THSD7A: variants seen among roughly 807,000 people sequenced by gnomAD.
THSD7A encodes the protein thrombospondin type-1 domain-containing protein 7A.
Under a neutral mutation model 231.3 loss-of-function variants are expected in THSD7A, and 96 were observed. That is an observed-to-expected ratio of 0.41 (90% CI 0.35 to 0.49). The LOEUF (loss-of-function observed/expected upper bound fraction) is 0.49. THSD7A is among the 20% of genes least tolerant of loss of function. The pLI, the probability that THSD7A is intolerant of heterozygous loss-of-function variation, is 0.05. For synonymous variants in THSD7A, 940 were observed against 743.3 expected, an observed-to-expected ratio of 1.26 and a Z score of -4.30; for missense variants, 2,290 against 2,070.2, an observed-to-expected ratio of 1.11 and a Z score of -2.06.
At chr7:11,435,957 T>G (rs1315285301) in intron 13 of THSD7A, among the ~76,000 whole-genome samples, 1 of 152,032 alleles carries the variant, frequency 6.6e-6, no homozygotes, top group Non-Finnish European at 1.5e-5. Context: ...CAGAATTATA[T>G]TGCACTTTCA....
At chr7:11,505,518 G>A (rs867780856) in intron 6 of THSD7A, among the ~76,000 whole-genome samples, 5 of 151,312 alleles carry the variant, frequency 3.3e-5, no homozygotes, top group South Asian at 2.1e-4. Context: ...TCTCATACTT[G>A]AATTGGGAAT....
intron 6 of THSD7A, among the ~76,000 whole-genome samples, chr7:11,510,511 T>A (rs1299888212): frequency 3.3e-5 from 5 of 152,074 alleles, no homozygotes; most frequent in Admixed American, 6.5e-5. Context: ...GGAACATCGA[T>A]GAAAAAATCC....
chr7:11,630,653 C>G (rs528191267), intron 2 of THSD7A, among the ~76,000 whole-genome samples: 2 of 152,230 alleles, frequency 1.3e-5, no homozygotes, highest in African/African-American at 4.8e-5. Context: ...GGCTGAATTT[C>G]CCACACTTTT....
Position 11,446,141 on chromosome 7 carries a change from C to T in THSD7A, c.2984G>A (p.Gly995Glu), listed in dbSNP as rs1425929587. 1 of 1,613,482 alleles carries T rather than the reference C, an allele frequency of 6.2e-7. No individual in the cohort carries two copies. Among genetic ancestry groups the T allele is most frequent in the Non-Finnish European group, 8.5e-7 (1 of 1,179,620 alleles). ...CATTGCTTGGTAACGATATCCTTGTCCGCATTCCTTGATGTCTCCTTGTAC... is the reference window on the plus strand; with the variant it reads ...CATTGCTTGGTAACGATATCCTTGTTCGCATTCCTTGATGTCTCCTTGTAC... ...MKVQGDIKEC[G>E]QGYRYQAMAC... Residue 995 changes from glycine (G) to glutamate (E), a missense_variant, in exon 13 of 28, where the codon GGA (glycine) becomes GAA (glutamate). Transcript: ENST00000423059. The surrounding 1 kb of genome is among the most constrained non-coding windows in gnomAD (Gnocchi z 4.0).
At chr7:11,769,138 TA>T (rs1783132118) in intron 1 of THSD7A, among the ~76,000 whole-genome samples, 3 of 59,260 alleles carry the variant, frequency 5.1e-5, no homozygotes, top group South Asian at 6.9e-4. Context: ...TATATATATA[TA>T]TATATATATA....
intron 1 of THSD7A, among the ~76,000 whole-genome samples, chr7:11,694,444 C>G (rs1780327688): frequency 6.6e-6 from 1 of 151,512 alleles, no homozygotes; most frequent in African/African-American, 2.4e-5. Flanking sequence ...TATTCTATCT[C>G]CATTGTAGAG....
chr7:11,556,807 T>C (rs979983093), intron 4 of THSD7A, among the ~76,000 whole-genome samples: 8 of 152,086 alleles, frequency 5.3e-5, no homozygotes, highest in Non-Finnish European at 8.8e-5. Context: ...TATTCTGACC[T>C]ATATGGTTTC....
At chr7:11,631,070 C>A (rs1032273133) in intron 2 of THSD7A, among the ~76,000 whole-genome samples, 2 of 152,186 alleles carry the variant, frequency 1.3e-5, no homozygotes, top group African/African-American at 2.4e-5. Flanking sequence ...GGGTGGGGAA[C>A]TGGCTCTTAA....
intron 6 of THSD7A, among the ~76,000 whole-genome samples, chr7:11,491,269 T>A (rs994676170): frequency 6.6e-6 from 1 of 152,114 alleles, no homozygotes; most frequent in Non-Finnish European, 1.5e-5. Flanking sequence ...ATAGTCCATA[T>A]TTTATAAATT....
At chr7:11,506,355 C>A (rs1258986763) in intron 6 of THSD7A, among the ~76,000 whole-genome samples, 1 of 152,166 alleles carries the variant, frequency 6.6e-6, no homozygotes, top group Non-Finnish European at 1.5e-5. Context: ...ATGCATTTCA[C>A]CACTAATTAT....
chr7:11,441,839 G>A (rs1221431253), intron 13 of THSD7A, among the ~76,000 whole-genome samples: 9 of 151,898 alleles, frequency 5.9e-5, no homozygotes, highest in South Asian at 4.2e-4. Context: ...GGCAGGGGTC[G>A]GGGGCTAGGG....
chr7:11,747,944 G>C (rs1782365696), intron 1 of THSD7A, among the ~76,000 whole-genome samples: 1 of 151,952 alleles, frequency 6.6e-6, no homozygotes, highest in Non-Finnish European at 1.5e-5. Context: ...TTGCATGACA[G>C]AATGTGTATG....
At chr7:11,600,066 A>T (rs1428792468) in intron 2 of THSD7A, among the ~76,000 whole-genome samples, 1 of 152,070 alleles carries the variant, frequency 6.6e-6, no homozygotes, top group Non-Finnish European at 1.5e-5. Flanking sequence ...CTCAGCTTGC[A>T]GATGGCCTAT....
rs182342078 is a variant in THSD7A at position 11,658,565 on chromosome 7, T to C, written c.191-21604A>G. On this transcript the variant is annotated intron_variant, in intron 1 of 27. Transcript: ENST00000423059. ...TCTATCCTCCTAAAGCATCCTGTTTTCTCCATGTGATAAACACTGCCCCTA... is the reference window on the plus strand; with the variant it reads ...TCTATCCTCCTAAAGCATCCTGTTTCCTCCATGTGATAAACACTGCCCCTA... 4.6e-5 allele frequency among the ~76,000 whole-genome samples: 7 copies of C among 151,756 alleles called. No individual in the cohort carries two copies. In the East Asian group the frequency reaches 1.4e-3, roughly 30 times the overall value.
rs1159502255 is a variant in THSD7A at position 11,636,951 on chromosome 7, G to A, written c.201C>T (p.Gly67=). Residue 67 remains glycine, a synonymous_variant, in exon 2 of 28, where the codon GGC becomes GGT. Coordinates refer to ENST00000423059, the MANE Select transcript of THSD7A (RefSeq NM_015204.3). This position sits in a 1 kb window ranked among gnomAD's most constrained non-coding sequence, Gnocchi z 10.0. ...TLYLWKTGPW[G]RCMGDECGPG... ...GACCACATTCATCTCCCATACATCG[G>A]CCCCATGGACCTACAAAAATTATAA... is the stretch of plus-strand genomic sequence containing the variant. 3.1e-6 allele frequency: 5 copies of A among 1,605,458 alleles called. No individual in the cohort carries two copies. The highest frequency in any genetic ancestry group is 4.2e-6 in the Non-Finnish European group (5 of 1,176,598).
intron 2 of THSD7A, among the ~76,000 whole-genome samples, chr7:11,602,805 G>A (rs1780596007): frequency 6.6e-6 from 1 of 151,436 alleles, no homozygotes; most frequent in Non-Finnish European, 1.5e-5. Context: ...GTGGTGAGGT[G>A]GGAAAATGAA....
At position 11,406,140 on chromosome 7, in the gene THSD7A, G is replaced by A. The variant is rs898840971; in HGVS notation, c.4237+160C>T. ...CCCTACCTGGCAGTAATGAGACAGC[G>A]TCCCGTTCCCCACAGGCATAGTGTT... is the stretch of plus-strand genomic sequence containing the variant. On this transcript the variant is annotated intron_variant, in intron 22 of 27. Coordinates refer to ENST00000423059, the MANE Select transcript of THSD7A (RefSeq NM_015204.3). This position sits in a 1 kb window ranked among gnomAD's most constrained non-coding sequence, Gnocchi z 4.7. 6.6e-6 allele frequency among the ~76,000 whole-genome samples: 1 copy of A among 152,130 alleles called. No homozygotes were observed. The highest frequency in any genetic ancestry group is 1.5e-5 in the Non-Finnish European group (1 of 68,022).
chr7:11,754,104 A>G (rs1256434004), intron 1 of THSD7A, among the ~76,000 whole-genome samples: 1 of 152,026 alleles, frequency 6.6e-6, no homozygotes, highest in East Asian at 1.9e-4. Flanking sequence ...AATAGAAACC[A>G]TCTCCCAGGA....
chr7:11,433,720 T>C (rs1022564973), intron 13 of THSD7A, among the ~76,000 whole-genome samples: 2 of 152,172 alleles, frequency 1.3e-5, no homozygotes, highest in African/African-American at 4.8e-5. Flanking sequence ...TGGCCTTACA[T>C]GTCACTACCC....
Sources: allele counts gnomAD v4.1 joint callset (sites outside exome capture counted in the v4.1 genomes callset), GRCh38; gene constraint gnomAD v4.1.1; non-coding constraint Gnocchi (gnomAD v3.1); transcripts MANE v1.5; gene names NCBI Gene and HGNC (gene_info 2026-07-23, HGNC 2026-07-21).